Variants in PCDHA8 observed in about 807,000 individuals in gnomAD.
The protein encoded by PCDHA8 is protocadherin alpha-8.
PCDHA8 carries 53 observed loss-of-function variants against 61.8 expected under a neutral mutation model. That is an observed-to-expected ratio of 0.86 (90% confidence interval 0.69 to 1.08). The LOEUF (loss-of-function observed/expected upper bound fraction) is 1.08, where lower values mean the gene tolerates loss of function less well. Ranked by LOEUF, PCDHA8 falls within the 50% of genes least tolerant of loss-of-function variation. The pLI is 0.00. For missense variants in PCDHA8, 1,293 were observed against 1,245.0 expected (o/e 1.04, Z -0.58); for synonymous variants, 618 against 556.6 (o/e 1.11, Z -1.55).
intron 1 of PCDHA8, among the ~76,000 whole-genome samples, chr5:140,917,244 C>T (rs891511496): frequency 1.9e-4 from 29 of 149,864 alleles, no homozygotes; most frequent in Non-Finnish European, 3.0e-4. Flanking sequence ...CTAGGTACTA[C>T]GATTGCTCAC....
chr5:140,869,375 A>C, intron 1 of PCDHA8: 1 of 1,614,116 alleles, frequency 6.2e-7, no homozygotes, highest in Non-Finnish European at 8.5e-7. Flanking sequence ...TCTCGGATCG[A>C]CCGCGAGGAG....
intron 1 of PCDHA8, among the ~76,000 whole-genome samples, chr5:140,919,974 TAG>T (rs2153555647): frequency 7.5e-6 from 1 of 134,116 alleles, no homozygotes; most frequent in African/African-American, 2.6e-5. Context: ...AAATAAGAGA[TAG>T]AAGATGGAAA....
At chr5:140,861,696 G>C (rs2047025266) in intron 1 of PCDHA8, 1 of 223,632 alleles carries the variant, frequency 4.5e-6, no homozygotes, top group South Asian at 6.6e-5. Context: ...GAGGGTGTCT[G>C]TGATGCCGAC....
At chr5:140,994,720 A>C (rs2097647295) in intron 3 of PCDHA8, among the ~76,000 whole-genome samples, 1 of 152,160 alleles carries the variant, frequency 6.6e-6, no homozygotes. Flanking sequence ...AAAATTTAAA[A>C]TACTGGGTAT....
intron 1 of PCDHA8, among the ~76,000 whole-genome samples, chr5:140,914,381 T>C (rs192645626): frequency 1.7e-4 from 26 of 152,352 alleles, no homozygotes; most frequent in Admixed American, 2.6e-4. Flanking sequence ...TTATCTGTTA[T>C]AAGTGTAGTT....
intron 3 of PCDHA8, among the ~76,000 whole-genome samples, chr5:140,998,365 A>G (rs1434602564): frequency 6.6e-6 from 1 of 152,142 alleles, no homozygotes; most frequent in African/African-American, 2.4e-5. Context: ...ACCACTGCAC[A>G]CACCGTCTCT....
rs201231291 is a variant in PCDHA8, at chr5:140,849,957, G to T, written c.2394+6242G>T. ...GCGGGACGCTGACGCGCAGGAGAAC[G>T]CCCTGGTGTCCTACTCGCTGGTGGA... On this transcript the variant is annotated intron_variant, in intron 1 of 3. Coordinates refer to ENST00000531613, the MANE Select transcript of PCDHA8 (RefSeq NM_018911.3). 28 of 1,597,916 alleles carry T rather than the reference G, an allele frequency of 1.8e-5. 1 individual carries two copies. The East Asian group carries it at 6.0e-4, about 34-fold the overall frequency.
chr5:140,942,443 A>G (rs1204508547), intron 1 of PCDHA8, among the ~76,000 whole-genome samples: 2 of 152,100 alleles, frequency 1.3e-5, no homozygotes, highest in African/African-American at 4.8e-5. Flanking sequence ...ATAAACAAGT[A>G]AACTATCAAT....
chr5:140,843,572 T>C lies in PCDHA8; in HGVS notation c.2251T>C (p.Ser751Pro). The C allele has an allele frequency of 1.3e-6, 2 of 1,595,854 alleles. No individual in the cohort carries two copies. Among genetic ancestry groups the C allele is most frequent in the Non-Finnish European group, 1.7e-6 (2 of 1,165,466 alleles). The change falls in exon 1 of 4, where the codon TCG becomes CCG. Residue 751 changes from serine (S) to proline (P), a missense_variant. Ser to Pro is a moderately conservative substitution (Grantham distance 74, BLOSUM62 -1). Coordinates refer to ENST00000531613, the MANE Select transcript of PCDHA8 (RefSeq NM_018911.3). ...CSSAVGSWSY[S>P]QQQPQRVCSG... ...CAGTGCGGTGGGGAGCTGGTCATAC[T>C]CGCAACAACAGCCGCAGAGGGTGTG...
chr5:140,964,238 T>G (rs1354844619), intron 1 of PCDHA8, among the ~76,000 whole-genome samples: 1 of 152,208 alleles, frequency 6.6e-6, no homozygotes, highest in Admixed American at 6.5e-5. Flanking sequence ...AGGCTGATTG[T>G]GTTGGCTTTA....
Position 140,849,622 on chromosome 5 carries a change from A to G in PCDHA8, c.2394+5907A>G. The G allele has an allele frequency of 1.9e-6, 3 of 1,598,702 alleles. 1 individual carries two copies. The highest frequency in any genetic ancestry group is 2.6e-6 in the Non-Finnish European group (3 of 1,167,960). On this transcript the variant is annotated intron_variant, in intron 1 of 3. Coordinates refer to ENST00000531613, the MANE Select transcript of PCDHA8 (RefSeq NM_018911.3). Reference sequence around the variant, plus strand: ...GTTATTGCCCTGATTAGTGTGATCGACCTAGACGCAGATGCCAACGGGCAG... The same window carrying G: ...GTTATTGCCCTGATTAGTGTGATCGGCCTAGACGCAGATGCCAACGGGCAG...
At chr5:140,855,863 C>A in intron 1 of PCDHA8, 2 of 763,578 alleles carry the variant, frequency 2.6e-6, no homozygotes, top group Non-Finnish European at 4.1e-6. Flanking sequence ...ATGTCGCTGT[C>A]GTCCACAAAA....
intron 1 of PCDHA8, chr5:140,968,791 C>G (rs2096270570): frequency 2.5e-6 from 4 of 1,614,076 alleles, no homozygotes; most frequent in Non-Finnish European, 3.4e-6. Flanking sequence ...CCTCTGTGGC[C>G]ATTACAGTAG....
At chr5:140,944,188 T>A (rs184996) in intron 1 of PCDHA8, among the ~76,000 whole-genome samples, 85,693 of 151,800 alleles carry the variant, frequency 0.56, 24,784 homozygotes, top group African/African-American at 0.69. Context: ...GTTGGTTTGT[T>A]TTGTTTTGTT....
chr5:140,981,101 G>A (rs1484209084), intron 2 of PCDHA8, among the ~76,000 whole-genome samples: 1 of 152,196 alleles, frequency 6.6e-6, no homozygotes, highest in Non-Finnish European at 1.5e-5. Flanking sequence ...TTTAATGAGT[G>A]AATTTCTACT....
chr5:140,934,999 T>C (rs2090139389), intron 1 of PCDHA8, among the ~76,000 whole-genome samples: 1 of 152,196 alleles, frequency 6.6e-6, no homozygotes, highest in Admixed American at 6.5e-5. Flanking sequence ...CCTGAATCCT[T>C]TTCATGTGAG....
intron 1 of PCDHA8, among the ~76,000 whole-genome samples, chr5:140,901,970 G>T (rs1178784932): frequency 1.3e-5 from 2 of 151,954 alleles, no homozygotes; most frequent in Non-Finnish European, 2.9e-5. Context: ...TCGTAAATGG[G>T]ATTACTTTTT....
At chr5:140,943,547 C>T (rs1376489824) in intron 1 of PCDHA8, among the ~76,000 whole-genome samples, 20 of 152,104 alleles carry the variant, frequency 1.3e-4, no homozygotes, top group African/African-American at 4.6e-4. Context: ...TGTAAATAGA[C>T]GTAGACAATA....
chr5:140,887,221 C>G lies in PCDHA8; in HGVS notation c.2394+43506C>G, dbSNP rs149306651. ...ACGCCATTCTCCTGCCTCAGCCTCCCGAGTAGCTGAGACTACCGGCGCCCG... is the reference window on the plus strand; with the variant it reads ...ACGCCATTCTCCTGCCTCAGCCTCCGGAGTAGCTGAGACTACCGGCGCCCG... On this transcript the variant is annotated intron_variant, in intron 1 of 3. Transcript: ENST00000531613. Among the ~76,000 whole-genome samples, 1,413 of 151,972 alleles carry G rather than the reference C, an allele frequency of 9.3e-3. 17 individuals carry two copies. The highest frequency in any genetic ancestry group is 0.033 in the African/African-American group (1,349 of 41,450).
Sources: allele counts gnomAD v4.1 joint callset (sites outside exome capture counted in the v4.1 genomes callset), GRCh38; gene constraint gnomAD v4.1.1; transcripts MANE v1.5; gene names NCBI Gene and HGNC (gene_info 2026-07-23, HGNC 2026-07-21).